Variants in RABGAP1L observed in about 807,000 individuals in gnomAD.
RABGAP1L encodes rab GTPase-activating protein 1-like.
In RABGAP1L, 63 loss-of-function variants were observed where a neutral mutation model predicts 137.7. That is an observed-to-expected ratio of 0.46 (90% CI 0.37 to 0.56). The LOEUF is 0.56. Ranked by LOEUF, RABGAP1L falls within the 20% of genes least tolerant of loss-of-function variation. The pLI is 0.00. For synonymous variants in RABGAP1L, 431 were observed against 433.7 expected (o/e 0.99, Z 0.08); for missense variants, 1,095 against 1,244.0 (o/e 0.88, Z 1.80).
At chr1:174,961,775 G>C (rs1455630384) in intron 20 of RABGAP1L, among the ~76,000 whole-genome samples, 2 of 151,126 alleles carry the variant, frequency 1.3e-5, no homozygotes, top group Non-Finnish European at 2.9e-5. Flanking sequence ...GAGCCTGGGA[G>C]GGGGAGGTTG....
At chr1:174,715,522 A>G (rs971944923) in intron 17 of RABGAP1L, among the ~76,000 whole-genome samples, 1 of 152,222 alleles carries the variant, frequency 6.6e-6, no homozygotes. Context: ...ACACTGTACT[A>G]AAAGATTTAC....
At chr1:174,867,728 C>T (rs530730970) in intron 19 of RABGAP1L, among the ~76,000 whole-genome samples, 1 of 152,314 alleles carries the variant, frequency 6.6e-6, no homozygotes, top group Non-Finnish European at 1.5e-5. Flanking sequence ...TCACTGCAAC[C>T]TCCACCTCCT....
chr1:174,310,224 A>C (rs1678696247), intron 11 of RABGAP1L, among the ~76,000 whole-genome samples: 1 of 152,052 alleles, frequency 6.6e-6, no homozygotes, highest in African/African-American at 2.4e-5. Flanking sequence ...GGTGTTCAGG[A>C]GCATATTGTT....
chr1:174,679,418 G>T lies in RABGAP1L; in HGVS notation c.1825-4104G>T, dbSNP rs58499752. 5.3e-3 allele frequency among the ~76,000 whole-genome samples: 809 copies of T among 152,310 alleles called. 10 individuals carry two copies. The highest frequency in any genetic ancestry group is 0.018 in the African/African-American group (765 of 41,574). ...ATGCTCAGCAACGTAAGAATAGAGA[G>T]AAACTTCTAAACCTAATGAAGGATA... On this transcript the variant is annotated intron_variant, in intron 14 of 25. Coordinates refer to ENST00000681986, the MANE Select transcript of RABGAP1L (RefSeq NM_001366446.1).
intron 19 of RABGAP1L, among the ~76,000 whole-genome samples, chr1:174,911,194 A>C (rs1405244194): frequency 6.6e-6 from 1 of 152,118 alleles, no homozygotes; most frequent in Non-Finnish European, 1.5e-5. Context: ...GCAAATCCTT[A>C]TCAGCTATAT....
intron 19 of RABGAP1L, among the ~76,000 whole-genome samples, chr1:174,937,037 T>C (rs1211762128): frequency 7.1e-6 from 1 of 140,660 alleles, no homozygotes; most frequent in African/African-American, 2.7e-5. Context: ...TGGAGTGCAG[T>C]GGTATGATCT....
At chr1:174,664,640 A>ATC (rs1360781682) in intron 14 of RABGAP1L, among the ~76,000 whole-genome samples, 2 of 150,898 alleles carry the variant, frequency 1.3e-5, no homozygotes, top group African/African-American at 4.9e-5. Flanking sequence ...CTCCTCTTAG[A>ATC]TCTAGTCTTT....
At chr1:174,531,684 A>C (rs1488442930) in intron 13 of RABGAP1L, among the ~76,000 whole-genome samples, 3 of 143,694 alleles carry the variant, frequency 2.1e-5, no homozygotes, top group Non-Finnish European at 4.5e-5. Flanking sequence ...AGTGTGCTTT[A>C]ATCACACCTC....
At chr1:174,902,709 C>T (rs1218944242) in intron 19 of RABGAP1L, among the ~76,000 whole-genome samples, 1 of 152,174 alleles carries the variant, frequency 6.6e-6, no homozygotes, top group Non-Finnish European at 1.5e-5. Flanking sequence ...GTTGCACAAT[C>T]ACTGTTTCCC....
At chr1:174,965,830 C>T (rs1334432739) in intron 20 of RABGAP1L, among the ~76,000 whole-genome samples, 1 of 152,162 alleles carries the variant, frequency 6.6e-6, no homozygotes, top group Non-Finnish European at 1.5e-5. Flanking sequence ...GTAGGCGTGC[C>T]CTCTAGGCTA....
Position 174,538,231 on chromosome 1 carries a change from G to T in RABGAP1L, c.1711-99144G>T, listed in dbSNP as rs1572221552. Among the ~76,000 whole-genome samples the T allele has an allele frequency of 2.0e-5, 3 of 152,148 alleles. No homozygotes were observed. In the East Asian group the frequency reaches 5.8e-4, roughly 29 times the overall value. On this transcript the variant is annotated intron_variant, in intron 13 of 25. Coordinates refer to ENST00000681986, the MANE Select transcript of RABGAP1L (RefSeq NM_001366446.1). ...ACTATTTCCAAAGTCCAGATCAAAT[G>T]CCTAGTCCCTCTTAGGCTTTCTCCT... is the stretch of plus-strand genomic sequence containing the variant.
intron 11 of RABGAP1L, among the ~76,000 whole-genome samples, chr1:174,363,882 C>T (rs1037534300): frequency 3.9e-5 from 4 of 103,322 alleles, no homozygotes; most frequent in African/African-American, 1.2e-4. Context: ...ATTCTTACAT[C>T]CCAGGGATAA....
intron 14 of RABGAP1L, among the ~76,000 whole-genome samples, chr1:174,681,743 G>C (rs201637424): frequency 1.5e-5 from 2 of 129,528 alleles, no homozygotes; most frequent in East Asian, 8.2e-4. Context: ...TCCAGACTCT[G>C]TGCTCTGACA....
At chr1:174,862,213 T>G (rs1169715185) in intron 19 of RABGAP1L, among the ~76,000 whole-genome samples, 1 of 152,196 alleles carries the variant, frequency 6.6e-6, no homozygotes, top group Non-Finnish European at 1.5e-5. Flanking sequence ...TTCCCCATTG[T>G]GTATTCTCCT....
chr1:174,465,107 C>G (rs999647965), intron 13 of RABGAP1L, among the ~76,000 whole-genome samples: 2 of 152,142 alleles, frequency 1.3e-5, no homozygotes, highest in Non-Finnish European at 2.9e-5. Context: ...GCTTTTCTGG[C>G]ACATGAAAAC....
chr1:174,417,532 A>G (rs1334290206), intron 13 of RABGAP1L, among the ~76,000 whole-genome samples: 2 of 152,202 alleles, frequency 1.3e-5, no homozygotes, highest in Non-Finnish European at 2.9e-5. Context: ...TCTAATGGAA[A>G]CAAGACAGTA....
At chr1:174,473,504 C>G (rs917125372) in intron 13 of RABGAP1L, among the ~76,000 whole-genome samples, 1 of 152,152 alleles carries the variant, frequency 6.6e-6, no homozygotes, top group African/African-American at 2.4e-5. Context: ...GATGCCCTGA[C>G]AGTGTTTTCC....
At chr1:174,750,979 A>G (rs1210520151) in intron 17 of RABGAP1L, among the ~76,000 whole-genome samples, 2 of 152,190 alleles carry the variant, frequency 1.3e-5, no homozygotes, top group Middle Eastern at 3.2e-3. Context: ...TGTAACCCAC[A>G]TTTTAAAATC....
In RABGAP1L at chr1:174,686,648, C is replaced by CTTTTTTT. The variant is rs533716511; in HGVS notation, c.1899+3073_1899+3079dup. Among the ~76,000 whole-genome samples, 15 of 105,840 alleles carry CTTTTTTT rather than the reference C, an allele frequency of 1.4e-4. 3 individuals are homozygous for CTTTTTTT. Among genetic ancestry groups the CTTTTTTT allele is most frequent in the East Asian group, 6.9e-4 (2 of 2,890 alleles). 69.4% of individuals were successfully genotyped at this position (105,840 alleles called of 152,430 possible). A position where few individuals can be genotyped will look rare whatever the true frequency, so the allele number is the denominator to read the frequency against. ...GAAGCTTTGGTTTGAACAAAGCAAT[C>CTTTTTTT]TTTTTTTTTTTTTTTTTTTTTTTTT... On this transcript the variant is annotated intron_variant, in intron 15 of 25. Transcript: ENST00000681986.
Sources: gnomAD v4.1 joint callset for allele counts (sites outside exome capture counted in the v4.1 genomes callset) on GRCh38, gnomAD v4.1.1 for gene constraint, MANE v1.5 for transcripts, NCBI Gene and HGNC (gene_info 2026-07-23, HGNC 2026-07-21) for gene names.